INSL6: variants seen among roughly 807,000 people sequenced by gnomAD.
The protein encoded by INSL6 is insulin-like peptide INSL6.
Under a neutral mutation model 9.4 loss-of-function variants are expected in INSL6, and 16 were observed. The ratio of observed to expected loss-of-function variants is 1.70; its 90% CI spans 1.15 to 2.59. The LOEUF (loss-of-function observed/expected upper bound fraction) is 2.59, where lower values mean the gene tolerates loss of function less well. INSL6 is among the 30% of genes most tolerant of loss of function. The pLI is 0.00. For missense variants in INSL6, 391 were observed against 257.3 expected (o/e 1.52, Z -3.56); for synonymous variants, 154 against 96.9 (o/e 1.59, Z -3.46).
downstream of INSL6, among the ~76,000 whole-genome samples, chr9:5,159,878 T>C (rs1036167681): frequency 1.7e-4 from 26 of 152,296 alleles, no homozygotes; most frequent in South Asian, 6.2e-4. Context: ...TCCTCGAGAA[T>C]AGACCACATG....
the INSL6 span, among the ~76,000 whole-genome samples, chr9:5,080,957 G>A: frequency 2.2e-5 from 3 of 137,560 alleles, no homozygotes; most frequent in South Asian, 2.3e-4. Flanking sequence ...GTGCAGTGGC[G>A]CGATCTCGGC....
intron 2 of INSL6, among the ~76,000 whole-genome samples, chr9:5,142,848 C>T (rs1196410240): frequency 6.6e-6 from 1 of 152,078 alleles, no homozygotes; most frequent in Non-Finnish European, 1.5e-5. Flanking sequence ...TCATATACGG[C>T]TCTTGTTATT....
chr9:5,147,637 A>G (rs542240631), intron 2 of INSL6, among the ~76,000 whole-genome samples: 14 of 149,454 alleles, frequency 9.4e-5, no homozygotes, highest in Non-Finnish European at 1.8e-4. Context: ...TGAATAGACC[A>G]TCTTCAAATA....
chr9:5,025,204 GA>G, the INSL6 span, among the ~76,000 whole-genome samples: 2 of 152,120 alleles, frequency 1.3e-5, no homozygotes, highest in African/African-American at 4.8e-5. Context: ...CATTTTCACT[GA>G]TGTTACTCTT....
chr9:4,998,476 C>T, the INSL6 span, among the ~76,000 whole-genome samples: 3 of 152,144 alleles, frequency 2.0e-5, no homozygotes, highest in South Asian at 4.2e-4. Context: ...AGGCTGGTCT[C>T]GAACTCCTGA....
the INSL6 span, among the ~76,000 whole-genome samples, chr9:5,104,177 AAAG>A: frequency 6.6e-6 from 1 of 152,184 alleles, no homozygotes; most frequent in South Asian, 2.1e-4. Context: ...CAAGACTAAT[AAAG>A]AAGAAAAGAG....
At chr9:5,089,716 C>T in the INSL6 span, 1 of 1,548,650 alleles carries the variant, frequency 6.5e-7, no homozygotes, top group South Asian at 1.2e-5. Flanking sequence ...TGACCCTCTA[C>T]AGGACAACAC....
chr9:5,045,238 A>G, the INSL6 span, among the ~76,000 whole-genome samples: 1 of 152,196 alleles, frequency 6.6e-6, no homozygotes, highest in African/African-American at 2.4e-5. Context: ...TCCCCAAGGT[A>G]TCAGGAGTTC....
chr9:5,063,004 T>C, the INSL6 span, among the ~76,000 whole-genome samples: 1 of 152,148 alleles, frequency 6.6e-6, no homozygotes, highest in Non-Finnish European at 1.5e-5. Context: ...GTCTTTTAAT[T>C]TTGTTTAGGA....
the INSL6 span, among the ~76,000 whole-genome samples, chr9:5,000,928 C>T: frequency 2.0e-5 from 3 of 152,084 alleles, no homozygotes; most frequent in African/African-American, 4.8e-5. Flanking sequence ...ATTGGCTAGC[C>T]CTGGAAGGAC....
At chr9:5,085,812 A>G in the INSL6 span, 12 of 758,810 alleles carry the variant, frequency 1.6e-5, no homozygotes, top group South Asian at 4.1e-5. Flanking sequence ...TAGTACCACA[A>G]TAATTGATCG....
intron 1 of INSL6, among the ~76,000 whole-genome samples, chr9:5,185,059 G>A (rs965836196): frequency 7.2e-5 from 11 of 152,004 alleles, no homozygotes; most frequent in Admixed American, 1.3e-4. Context: ...CAGATGACTG[G>A]CACTCCAGAA....
chr9:5,144,613 A>C (rs1824562552), intron 2 of INSL6, among the ~76,000 whole-genome samples: 1 of 152,152 alleles, frequency 6.6e-6, no homozygotes, highest in Non-Finnish European at 1.5e-5. Context: ...TGGCGGTCTA[A>C]GTCTCTTTGA....
intron 2 of INSL6, among the ~76,000 whole-genome samples, chr9:5,153,600 CCTT>C (rs1391217831): frequency 2.0e-5 from 3 of 152,176 alleles, no homozygotes; most frequent in East Asian, 1.9e-4. Context: ...CCCAAAATCT[CCTT>C]AAGCTGTAAG....
At chr9:5,094,418 C>G in the INSL6 span, 1 of 152,082 alleles carries the variant, frequency 6.6e-6, no homozygotes, top group Admixed American at 6.6e-5. Flanking sequence ...GCAGTCTATT[C>G]CATTCTATGA....
At chr9:5,147,628 G>C (rs1824626256) in intron 2 of INSL6, among the ~76,000 whole-genome samples, 1 of 151,744 alleles carries the variant, frequency 6.6e-6, no homozygotes. Flanking sequence ...GGGGAAATTT[G>C]AATAGACCAT....
At chr9:5,091,350 T>C in the INSL6 span, 1 of 153,090 alleles carries the variant, frequency 6.5e-6, no homozygotes, top group African/African-American at 2.4e-5. Context: ...GGCCAAGTAC[T>C]GATATTTGAG....
chr9:5,133,564 G>C (rs946565870), exon 3 of INSL6: 5 of 153,564 alleles, frequency 3.3e-5, no homozygotes, highest in Non-Finnish European at 7.2e-5. Context: ...ACAGCATCTG[G>C]AGTGGGCCTC....
chr9:5,173,817 G>A (rs372499445), intron 1 of INSL6, among the ~76,000 whole-genome samples: 5 of 150,112 alleles, frequency 3.3e-5, no homozygotes, highest in African/African-American at 1.2e-4. Flanking sequence ...CCAGAAACAC[G>A]AGGACAGGTC....
Sources: allele counts gnomAD v4.1 joint callset (sites outside exome capture counted in the v4.1 genomes callset), GRCh38; gene constraint gnomAD v4.1.1; transcripts MANE v1.5; gene names NCBI Gene and HGNC (gene_info 2026-07-23, HGNC 2026-07-21).